UQCC1: variants seen among roughly 807,000 people sequenced by gnomAD.
The protein encoded by UQCC1 is bFGF-repressed Zic-binding protein.
Under a neutral mutation model 48.0 loss-of-function variants are expected in UQCC1, and 38 were observed. That is an observed-to-expected ratio of 0.79 (90% CI 0.61 to 1.04). UQCC1 has a LOEUF of 1.04. Among genes scored for constraint, UQCC1 ranks in the 50% least tolerant of loss-of-function variants. UQCC1 has a pLI of 0.00. For synonymous variants in UQCC1, 111 were observed against 129.2 expected, an observed-to-expected ratio of 0.86 and a Z score of 0.95; for missense variants, 368 against 381.8, an observed-to-expected ratio of 0.96 and a Z score of 0.30.
chr20:35,374,482 A>C (rs1325530658), intron 4 of UQCC1, among the ~76,000 whole-genome samples: 1 of 152,234 alleles, frequency 6.6e-6, no homozygotes, highest in African/African-American at 2.4e-5. Flanking sequence ...TGAAAACCTC[A>C]GAAAGGCTTT....
chr20:35,362,604 C>T (rs1447621004), intron 6 of UQCC1, among the ~76,000 whole-genome samples: 2 of 152,116 alleles, frequency 1.3e-5, no homozygotes, highest in Non-Finnish European at 2.9e-5. Flanking sequence ...GGTGATCTGC[C>T]CACCTCAGCC....
chr20:35,325,566 C>T (rs1353662078), intron 7 of UQCC1, among the ~76,000 whole-genome samples: 1 of 152,092 alleles, frequency 6.6e-6, no homozygotes, highest in African/African-American at 2.4e-5. Flanking sequence ...TTGATAAGCA[C>T]GTATTGAGTA....
intron 6 of UQCC1, among the ~76,000 whole-genome samples, chr20:35,362,290 C>A (rs947880150): frequency 6.6e-6 from 1 of 152,142 alleles, no homozygotes; most frequent in Non-Finnish European, 1.5e-5. Context: ...AAAATAGCAA[C>A]AAATGAGACT....
chr20:35,348,089 G>T (rs1208741234), intron 6 of UQCC1, among the ~76,000 whole-genome samples: 1 of 152,070 alleles, frequency 6.6e-6, no homozygotes, highest in African/African-American at 2.4e-5. Context: ...GATCAAATCT[G>T]GTTTTTGTCA....
intron 1 of UQCC1, among the ~76,000 whole-genome samples, chr20:35,395,723 A>G (rs1284334723): frequency 8.5e-5 from 13 of 152,124 alleles, no homozygotes; most frequent in Admixed American, 8.5e-4. Context: ...TTTAGTACCT[A>G]AGTTTAAAAA....
At chr20:35,327,242 G>C (rs2061205544) in intron 7 of UQCC1, among the ~76,000 whole-genome samples, 1 of 152,198 alleles carries the variant, frequency 6.6e-6, no homozygotes, top group Admixed American at 6.5e-5. Flanking sequence ...CAATGGGTCA[G>C]ACCAAAGTCT....
intron 7 of UQCC1, among the ~76,000 whole-genome samples, chr20:35,332,581 A>C (rs531194033): frequency 3.3e-5 from 5 of 152,250 alleles, no homozygotes; most frequent in Non-Finnish European, 7.3e-5. Flanking sequence ...TGGTGGCAGC[A>C]AGTGCTGCCT....
At chr20:35,381,856 C>G in intron 4 of UQCC1, 62 bp downstream of exon 4, 1 of 976,300 alleles carries the variant, frequency 1.0e-6, no homozygotes, top group Non-Finnish European at 1.6e-6. Context: ...TTTAAAAAAT[C>G]TATTAGGAGC....
intron 5 of UQCC1, among the ~76,000 whole-genome samples, chr20:35,370,234 CTTT>C (rs200297507): frequency 1.3e-4 from 16 of 125,092 alleles, no homozygotes; most frequent in Middle Eastern, 4.1e-3. Context: ...TCTCTTGTTT[CTTT>C]TTTTTTTTTT....
Position 35,303,730 on chromosome 20 carries a change from T to C in UQCC1, c.*205A>G. 2 of 669,672 alleles carry C rather than the reference T, an allele frequency of 3.0e-6. No individual in the cohort carries two copies. The highest frequency in any genetic ancestry group is 3.8e-5 in the South Asian group (2 of 52,676). The allele number at this position is 669,672 out of a possible 1,614,324, so 41.5% of individuals were successfully genotyped here. ...AAGGGAGAGGACACCCCGGGAGAGC[T>C]AGGGGTTCTCCCAGCCCTGTACCCC... On this transcript the variant is annotated 3_prime_UTR_variant, in exon 10 of 10. Coordinates refer to ENST00000374385, the MANE Select transcript of UQCC1 (RefSeq NM_018244.5).
chr20:35,323,108 A>G (rs1053132477), intron 7 of UQCC1, among the ~76,000 whole-genome samples: 3 of 152,188 alleles, frequency 2.0e-5, no homozygotes, highest in African/African-American at 7.2e-5. Flanking sequence ...CAGCCTCCCA[A>G]AGTGCTGGGA....
chr20:35,369,938 C>T (rs2061710908), intron 5 of UQCC1, among the ~76,000 whole-genome samples: 1 of 152,178 alleles, frequency 6.6e-6, no homozygotes, highest in Non-Finnish European at 1.5e-5. Flanking sequence ...AAAGACAAAG[C>T]AGTCTGCAGA....
chr20:35,342,092 A>G (rs1014058126), intron 7 of UQCC1, among the ~76,000 whole-genome samples: 1 of 152,192 alleles, frequency 6.6e-6, no homozygotes. Context: ...TCATCCCATC[A>G]AGCAGCTCTG....
chr20:35,304,134 A>G, intron 9 of UQCC1, 65 bp from the exon 10 acceptor site: 1 of 1,604,422 alleles, frequency 6.2e-7, no homozygotes, highest in South Asian at 1.1e-5. Context: ...AGCCAGCGTC[A>G]GGAACCAGCC....
At chr20:35,348,747 G>C (rs372289223) in intron 6 of UQCC1, among the ~76,000 whole-genome samples, 8 of 152,066 alleles carry the variant, frequency 5.3e-5, no homozygotes, top group Non-Finnish European at 1.0e-4. Context: ...TCAACCTCCC[G>C]GGCTTAAGGG....
intron 3 of UQCC1, among the ~76,000 whole-genome samples, chr20:35,383,234 G>A (rs2061898022): frequency 6.6e-6 from 1 of 152,172 alleles, no homozygotes; most frequent in Admixed American, 6.5e-5. Flanking sequence ...AGGAAAGTCT[G>A]TTCTAATGTT....
chr20:35,384,950 C>G, intron 2 of UQCC1, among the ~76,000 whole-genome samples: 1 of 100,186 alleles, frequency 1.0e-5, no homozygotes. Context: ...CTGGGCAACA[C>G]AGCAAGAATC....
At chr20:35,371,699 G>GAAAA (rs57335287) in intron 5 of UQCC1, among the ~76,000 whole-genome samples, 13 of 92,224 alleles carry the variant, frequency 1.4e-4, no homozygotes, top group Non-Finnish European at 1.7e-4. Context: ...GGCACTTAAA[G>GAAAA]AAAAAAAAAA....
chr20:35,319,304 C>A (rs776269204), intron 7 of UQCC1, among the ~76,000 whole-genome samples: 2 of 152,156 alleles, frequency 1.3e-5, no homozygotes, highest in Non-Finnish European at 2.9e-5. Context: ...CTCTAGCCAA[C>A]CACAGGCCTG....
Sources: gnomAD v4.1 joint callset for allele counts (sites outside exome capture counted in the v4.1 genomes callset) on GRCh38, gnomAD v4.1.1 for gene constraint, MANE v1.5 for transcripts, NCBI Gene and HGNC (gene_info 2026-07-23, HGNC 2026-07-21) for gene names.